The following TRPS1 variants were observed in gnomAD, a reference collection of about 807,000 sequenced individuals.
The protein encoded by TRPS1 is transcriptional repressor GATA binding 1.
TRPS1 carries 6 observed loss-of-function variants against 101.2 expected under a neutral mutation model. That is an observed-to-expected ratio of 0.06 (90% CI 0.03 to 0.12). TRPS1 has a LOEUF of 0.12. Among genes scored for constraint, TRPS1 ranks in the 10% least tolerant of loss-of-function variants. The pLI, the probability that TRPS1 is intolerant of heterozygous loss-of-function variation, is 1.00. For missense variants in TRPS1, 1,363 were observed against 1,567.0 expected, an observed-to-expected ratio of 0.87 and a Z score of 2.20; for synonymous variants, 578 against 589.8, an observed-to-expected ratio of 0.98 and a Z score of 0.29.
At chr8:115,448,868 C>G (rs976727098) in intron 5 of TRPS1, among the ~76,000 whole-genome samples, 3 of 152,084 alleles carry the variant, frequency 2.0e-5, no homozygotes, top group Admixed American at 6.6e-5. Flanking sequence ...TTCTTAGAGG[C>G]CAAATATAAA....
chr8:115,449,956 AACAC>A (rs61176190), intron 5 of TRPS1, among the ~76,000 whole-genome samples: 29 of 146,922 alleles, frequency 2.0e-4, no homozygotes, highest in South Asian at 1.5e-3. Flanking sequence ...TATGTGATTT[AACAC>A]ACACACACAC....
intron 5 of TRPS1, among the ~76,000 whole-genome samples, chr8:115,426,905 T>C (rs986598999): frequency 6.6e-6 from 1 of 152,140 alleles, no homozygotes; most frequent in African/African-American, 2.4e-5. Flanking sequence ...TGACAATAGT[T>C]CTTTGACTTA....
chr8:115,629,832 G>A (rs991807511), intron 1 of TRPS1, among the ~76,000 whole-genome samples: 1 of 151,766 alleles, frequency 6.6e-6, no homozygotes, highest in Admixed American at 6.6e-5. Flanking sequence ...ACTCCACTCA[G>A]TCTGTGTCCC....
At chr8:115,583,830 A>G (rs545107726) in intron 5 of TRPS1, among the ~76,000 whole-genome samples, 1 of 152,196 alleles carries the variant, frequency 6.6e-6, no homozygotes, top group South Asian at 2.1e-4. Flanking sequence ...ATAGACATTT[A>G]CTAAATAAAA....
At chr8:115,500,656 G>A (rs551994860) in intron 5 of TRPS1, among the ~76,000 whole-genome samples, 5 of 152,160 alleles carry the variant, frequency 3.3e-5, no homozygotes, top group Non-Finnish European at 5.9e-5. Flanking sequence ...TGCAAGCTCC[G>A]CCTCCCGGGT....
intron 1 of TRPS1, among the ~76,000 whole-genome samples, chr8:115,658,634 C>T (rs1811728929): frequency 6.6e-6 from 1 of 152,038 alleles, no homozygotes; most frequent in South Asian, 2.1e-4. Context: ...CACACTGAAT[C>T]GTTCAGGAAG....
At chr8:115,416,798 C>G (rs568213581) in intron 6 of TRPS1, among the ~76,000 whole-genome samples, 1 of 152,142 alleles carries the variant, frequency 6.6e-6, no homozygotes, top group East Asian at 1.9e-4. Context: ...GAAAATGCAA[C>G]ATAGCTTAGT....
chr8:115,507,405 A>G (rs1471541421), intron 5 of TRPS1, among the ~76,000 whole-genome samples: 1 of 152,094 alleles, frequency 6.6e-6, no homozygotes, highest in Non-Finnish European at 1.5e-5. Context: ...TGGTTGTCTA[A>G]CAAATCAAGA....
intron 3 of TRPS1, among the ~76,000 whole-genome samples, chr8:115,610,527 T>A (rs1244307982): frequency 6.6e-6 from 1 of 152,082 alleles, no homozygotes; most frequent in Non-Finnish European, 1.5e-5. Flanking sequence ...ATTTCTGAGG[T>A]TTATTCCTAT....
At chr8:115,523,959 G>A (rs557171669) in intron 5 of TRPS1, among the ~76,000 whole-genome samples, 1 of 152,072 alleles carries the variant, frequency 6.6e-6, no homozygotes, top group East Asian at 1.9e-4. Flanking sequence ...TAGCCTTCAC[G>A]AAAAATAAAA....
intron 5 of TRPS1, among the ~76,000 whole-genome samples, chr8:115,437,128 A>T (rs1479547384): frequency 6.6e-6 from 1 of 152,174 alleles, no homozygotes. Context: ...ATCATTATCT[A>T]CACTTCTCAT....
chr8:115,487,772 G>A (rs1277186346), intron 5 of TRPS1, among the ~76,000 whole-genome samples: 1 of 152,206 alleles, frequency 6.6e-6, no homozygotes, highest in Non-Finnish European at 1.5e-5. Flanking sequence ...CCAATAAGGA[G>A]TTGCTTCTTA....
At chr8:115,420,782 CATATCACATTTTAA>C (rs1271015102) in intron 5 of TRPS1, among the ~76,000 whole-genome samples, 2 of 152,012 alleles carry the variant, frequency 1.3e-5, no homozygotes, top group East Asian at 3.9e-4. Context: ...TTAGGTAAAC[CATATCACATTTTAA>C]ATATATCAGG....
At chr8:115,497,381 G>A (rs1322847085) in intron 5 of TRPS1, among the ~76,000 whole-genome samples, 1 of 152,172 alleles carries the variant, frequency 6.6e-6, no homozygotes, top group Non-Finnish European at 1.5e-5. Context: ...GGGCCATCAT[G>A]CTCCCTCAAC....
At chr8:115,423,671 A>G (rs1236633851) in intron 5 of TRPS1, among the ~76,000 whole-genome samples, 1 of 152,226 alleles carries the variant, frequency 6.6e-6, no homozygotes, top group Non-Finnish European at 1.5e-5. Context: ...GCTAACACCA[A>G]CATGCGGGTA....
In TRPS1 at chr8:115,581,068, TA is replaced by T. The variant is rs34740265; in HGVS notation, c.2700+5932del. On this transcript the variant is annotated intron_variant, in intron 5 of 6. Coordinates refer to ENST00000395715, the MANE Select transcript of TRPS1 (RefSeq NM_014112.5). ...ACACACAATGGAATATATTCAGTCA[TA>T]AAAAAAGAATAAAATTCTGTCACTT... 2.6e-4 allele frequency among the ~76,000 whole-genome samples: 40 copies of T among 151,722 alleles called. 1 individual carries two copies. The highest frequency in any genetic ancestry group is 4.6e-4 in the Admixed American group (7 of 15,210).
intron 5 of TRPS1, among the ~76,000 whole-genome samples, chr8:115,533,897 C>CA (rs1205079694): frequency 1.3e-5 from 2 of 152,076 alleles, no homozygotes; most frequent in Non-Finnish European, 2.9e-5. Context: ...TGTGTCTCTT[C>CA]ATATAAGCCT....
intron 5 of TRPS1, among the ~76,000 whole-genome samples, chr8:115,531,960 G>C (rs574161997): frequency 6.6e-6 from 1 of 152,210 alleles, no homozygotes; most frequent in South Asian, 2.1e-4. Flanking sequence ...GTTGCTGGTT[G>C]TATGGGGCTG....
At chr8:115,536,901 G>T (rs1213209695) in intron 5 of TRPS1, among the ~76,000 whole-genome samples, 4 of 151,574 alleles carry the variant, frequency 2.6e-5, no homozygotes, top group Non-Finnish European at 5.9e-5. Context: ...TACATATAGG[G>T]GGTTCTTCCT....
Sources: allele counts gnomAD v4.1 joint callset (sites outside exome capture counted in the v4.1 genomes callset), GRCh38; gene constraint gnomAD v4.1.1; transcripts MANE v1.5; gene names NCBI Gene and HGNC (gene_info 2026-07-23, HGNC 2026-07-21).